Variants in STON1 observed in about 807,000 individuals in gnomAD.
STON1 encodes the protein stonin-1.
STON1 carries 79 observed loss-of-function variants against 60.9 expected under a neutral mutation model. That is an observed-to-expected ratio of 1.30 (90% confidence interval 1.08 to 1.56). The LOEUF is 1.56. STON1 is among the 40% of genes most tolerant of loss of function. The pLI is 0.00. For missense variants in STON1, 1,166 were observed against 858.9 expected, an observed-to-expected ratio of 1.36 and a Z score of -4.47; for synonymous variants, 363 against 306.9, an observed-to-expected ratio of 1.18 and a Z score of -1.91.
Position 48,582,013 on chromosome 2 carries a change from C to G in STON1, c.1380C>G (p.Asp460Glu), listed in dbSNP as rs764406407. The change falls in exon 2 of 4, where the codon GAC becomes GAG. Residue 460 changes from aspartate (D) to glutamate (E), a missense_variant. Physicochemically the swap from Asp to Glu is conservative, Grantham distance 45. Transcript: ENST00000404752. Reference protein sequence around the residue: ...GNLECFLTLNDLELPKRDESY... With the variant: ...GNLECFLTLNELELPKRDESY... ...TGGAATGCTTTTTAACCTTGAATGACCTTGAGTTGCCGAAGCGAGATGAAT... is the reference window on the plus strand; with the variant it reads ...TGGAATGCTTTTTAACCTTGAATGAGCTTGAGTTGCCGAAGCGAGATGAAT... 4.3e-6 allele frequency: 7 copies of G among 1,614,124 alleles called. No individual in the cohort carries two copies. In the South Asian group the frequency reaches 5.5e-5, roughly 13 times the overall value.
chr2:48,544,810 G>A (rs1572930698), intron 1 of STON1, among the ~76,000 whole-genome samples: 1 of 152,214 alleles, frequency 6.6e-6, no homozygotes, highest in Non-Finnish European at 1.5e-5. Context: ...GCCTCCCAAA[G>A]TGCTGGGATT....
intron 2 of STON1, among the ~76,000 whole-genome samples, chr2:48,588,860 G>C (rs959972024): frequency 1.3e-5 from 2 of 152,086 alleles, no homozygotes; most frequent in African/African-American, 4.8e-5. Context: ...CAGTGGGCAG[G>C]TCTTTCATTT....
At chr2:48,541,568 G>A (rs1224206809) in intron 1 of STON1, among the ~76,000 whole-genome samples, 3 of 147,694 alleles carry the variant, frequency 2.0e-5, no homozygotes, top group Non-Finnish European at 4.5e-5. Context: ...GCATGGTGGT[G>A]CACGCCTGTA....
intron 1 of STON1, chr2:48,532,036 ACAT>A: frequency 9.4e-6 from 1 of 106,400 alleles, no homozygotes; most frequent in Non-Finnish European, 2.3e-5. Flanking sequence ...TGGTCTCAAA[ACAT>A]CATTAAGGCA....
chr2:48,591,191 T>G (rs1674492615), intron 2 of STON1, among the ~76,000 whole-genome samples: 1 of 150,314 alleles, frequency 6.7e-6, no homozygotes, highest in Non-Finnish European at 1.5e-5. Context: ...TTGTTTAATA[T>G]AAATTAAACA....
In STON1 at chr2:48,552,240, C is replaced by A. The variant is rs111272455; in HGVS notation, c.-48+22024C>A. 3.1e-3 allele frequency among the ~76,000 whole-genome samples: 466 copies of A among 152,234 alleles called. 3 individuals are homozygous for A. The highest frequency in any genetic ancestry group is 0.011 in the African/African-American group (441 of 41,542). ...AGACATAATGCTATGTGAAATAAGCCAGACACAAGAGGACACATACTGTAT... is the reference window on the plus strand; with the variant it reads ...AGACATAATGCTATGTGAAATAAGCAAGACACAAGAGGACACATACTGTAT... On this transcript the variant is annotated intron_variant, in intron 1 of 3. Coordinates refer to ENST00000404752, the MANE Select transcript of STON1 (RefSeq NM_006873.4).
At chr2:48,570,918 A>G (rs1018605385) in intron 1 of STON1, among the ~76,000 whole-genome samples, 1 of 126,432 alleles carries the variant, frequency 7.9e-6, no homozygotes, top group African/African-American at 3.1e-5. Context: ...GCTGGAGTGC[A>G]GTGGAGTGAT....
chr2:48,549,606 G>C (rs1429067247), intron 1 of STON1, among the ~76,000 whole-genome samples: 1 of 152,046 alleles, frequency 6.6e-6, no homozygotes, highest in Non-Finnish European at 1.5e-5. Context: ...GAGGTCAGGA[G>C]TTCAATACCA....
intron 1 of STON1, among the ~76,000 whole-genome samples, chr2:48,542,749 C>T (rs72822289): frequency 0.14 from 21,993 of 151,890 alleles, 2,086 homozygotes; most frequent in East Asian, 0.42. Flanking sequence ...TACAAAAATA[C>T]AAAAATTAGC....
chr2:48,581,697 C>A lies in STON1; in HGVS notation c.1064C>A (p.Thr355Lys). 6.2e-7 allele frequency: 1 copy of A among 1,610,174 alleles called. No individual in the cohort carries two copies. Among genetic ancestry groups the A allele is most frequent in the Non-Finnish European group, 8.5e-7 (1 of 1,178,926 alleles). ...GTGAAGATTGAACATGTGTCTTACA[C>A]AGAAAAAAGGAAATACCATTCTAAG... is the stretch of plus-strand genomic sequence containing the variant. The part of the protein sequence containing the change: ...HTVKIEHVSY[T>K]EKRKYHSKTE... The change falls in exon 2 of 4, where the codon ACA becomes AAA. Residue 355 changes from threonine (T) to lysine (K), a missense_variant. Coordinates refer to ENST00000404752, the MANE Select transcript of STON1 (RefSeq NM_006873.4).
rs1443405604 is a variant in STON1, at chr2:48,598,430, G to C, written c.*3128G>C. ...TTGTATTCTGTCAATGCAAATATAAGACAGGTTGAGCCTTAATCATGTAAC... is the reference window on the plus strand; with the variant it reads ...TTGTATTCTGTCAATGCAAATATAACACAGGTTGAGCCTTAATCATGTAAC... On this transcript the variant is annotated 3_prime_UTR_variant, in exon 4 of 4. Coordinates refer to ENST00000404752, the MANE Select transcript of STON1 (RefSeq NM_006873.4). 6.6e-6 allele frequency: 1 copy of C among 152,532 alleles called. No homozygotes were observed. The highest frequency in any genetic ancestry group is 2.4e-5 in the African/African-American group (1 of 41,424). 9.4% of individuals were successfully genotyped at this position (152,532 alleles called of 1,614,324 possible). A position where few individuals can be genotyped will look rare whatever the true frequency, so the allele number is the denominator to read the frequency against.
In STON1 at chr2:48,581,573, G is replaced by T; in HGVS notation, c.940G>T (p.Gly314Ter). Reference sequence around the variant, plus strand: ...AATTTTGCAGATGTATTATGAACAGGGATTAGAAAAACCATTTAAAGAGAT... The same window carrying T: ...AATTTTGCAGATGTATTATGAACAGTGATTAGAAAAACCATTTAAAGAGAT... ...GGILQMYYEQ[G>*]LEKPFKEIQL... The change falls in exon 2 of 4, where the codon GGA becomes TGA. Residue 314 changes from glycine (G) to a stop codon, truncating the protein, a stop_gained. Transcript: ENST00000404752. LOFTEE classifies it high-confidence loss of function. The T allele has an allele frequency of 6.2e-7, 1 of 1,614,092 alleles. No individual in the cohort carries two copies. Among genetic ancestry groups the T allele is most frequent in the East Asian group, 2.2e-5 (1 of 44,882 alleles).
At chr2:48,594,129 TC>T (rs1481671874) in intron 3 of STON1, among the ~76,000 whole-genome samples, 1 of 152,142 alleles carries the variant, frequency 6.6e-6, no homozygotes, top group Admixed American at 6.5e-5. Flanking sequence ...ATTTCCTGCC[TC>T]ACTCCCCCAT....
At chr2:48,554,272 A>C (rs1672217803) in intron 1 of STON1, among the ~76,000 whole-genome samples, 1 of 151,908 alleles carries the variant, frequency 6.6e-6, no homozygotes, top group Non-Finnish European at 1.5e-5. Flanking sequence ...CCCGAGCTGG[A>C]GGGCAATGAC....
chr2:48,538,555 A>AT lies in STON1; in HGVS notation c.-48+8346dup, dbSNP rs140958656. Among the ~76,000 whole-genome samples, 1,003 of 151,090 alleles carry AT rather than the reference A, an allele frequency of 6.6e-3. 12 individuals carry two copies. The highest frequency in any genetic ancestry group is 0.023 in the African/African-American group (939 of 41,212). ...TTGCCTCTATCTTTTTTGTTTTTTAATTTTTTTATTACCTTTCCTATGGTG... is the reference window on the plus strand; with the variant it reads ...TTGCCTCTATCTTTTTTGTTTTTTAATTTTTTTTATTACCTTTCCTATGGTG... On this transcript the variant is annotated intron_variant, in intron 1 of 3. Transcript: ENST00000404752.
intron 1 of STON1, among the ~76,000 whole-genome samples, chr2:48,549,074 G>A (rs1037173525): frequency 6.6e-6 from 1 of 152,184 alleles, no homozygotes; most frequent in Non-Finnish European, 1.5e-5. Flanking sequence ...CAGTGCATTT[G>A]CTAATAGCAC....
chr2:48,547,057 A>G (rs1240938455), intron 1 of STON1, among the ~76,000 whole-genome samples: 1 of 152,256 alleles, frequency 6.6e-6, no homozygotes, highest in African/African-American at 2.4e-5. Flanking sequence ...AAATATACTC[A>G]GAAGAGAGGC....
intron 1 of STON1, among the ~76,000 whole-genome samples, chr2:48,545,339 A>G (rs538177190): frequency 1.3e-5 from 2 of 152,250 alleles, no homozygotes; most frequent in South Asian, 4.1e-4. Flanking sequence ...GCTTGTCGGT[A>G]TTGGCCTCCT....
chr2:48,532,217 G>A (rs376790308), intron 1 of STON1, among the ~76,000 whole-genome samples: 11 of 151,984 alleles, frequency 7.2e-5, no homozygotes, highest in African/African-American at 2.4e-4. Context: ...GCCAGGTGGC[G>A]GGAACCTGTA....
Sources: gnomAD v4.1 joint callset for allele counts (sites outside exome capture counted in the v4.1 genomes callset) on GRCh38, gnomAD v4.1.1 for gene constraint, MANE v1.5 for transcripts, NCBI Gene and HGNC (gene_info 2026-07-23, HGNC 2026-07-21) for gene names.